Variants in GCLC observed in about 807,000 individuals in gnomAD.
The protein encoded by GCLC is glutamate-cysteine ligase catalytic subunit, also known as glutamate--cysteine ligase catalytic subunit.
In GCLC, 30 loss-of-function variants were observed where a neutral mutation model predicts 81.5. The ratio of observed to expected loss-of-function variants is 0.37; its 90% CI spans 0.28 to 0.50. The LOEUF is 0.50. GCLC is among the 20% of genes least tolerant of loss of function. The pLI is 0.96. For synonymous variants in GCLC, 262 were observed against 273.3 expected (o/e 0.96, Z 0.41); for missense variants, 556 against 777.4 (o/e 0.72, Z 3.39).
At chr6:53,505,990 C>G (rs1764607290) in intron 10 of GCLC, 95 bp from the exon 11 acceptor site, 1 of 772,328 alleles carries the variant, frequency 1.3e-6, no homozygotes, top group Non-Finnish European at 2.4e-6. Flanking sequence ...AGACTGCTCA[C>G]TGTCCATACC....
rs1764435545 is a variant in GCLC, at chr6:53,498,823, G to A, written c.1847C>T (p.Pro616Leu). The A allele has an allele frequency of 1.2e-6, 2 of 1,613,144 alleles. No individual in the cohort carries two copies. The highest frequency in any genetic ancestry group is 1.3e-5 in the African/African-American group (1 of 74,854). Residue 616 changes from proline to leucine, a missense_variant, in exon 16 of 16, where the codon CCA becomes CTA. Physicochemically the swap from Pro to Leu is moderately conservative, Grantham distance 98 (BLOSUM62 -3). Around this residue, in one of 3 missense-constraint regions of GCLC, gnomAD observed 313 missense variants for 437.3 expected, o/e 0.72. Coordinates refer to ENST00000650454, the MANE Select transcript of GCLC (RefSeq NM_001498.4). ...CCTAAATGCTGATCCAAGTAACTCT[G>A]GGCATTCACATAATTCATTTGCAAT... The part of the protein sequence containing the change: ...NQIANELCEC[P>L]ELLGSAFRKV...
chr6:53,537,999 C>T (rs1346967780), intron 1 of GCLC, among the ~76,000 whole-genome samples: 1 of 151,946 alleles, frequency 6.6e-6, no homozygotes, highest in Non-Finnish European at 1.5e-5. Flanking sequence ...AGCAACTTGC[C>T]CAAAGCTATA....
chr6:53,518,766 C>T (rs1330651841), intron 3 of GCLC, among the ~76,000 whole-genome samples: 3 of 152,098 alleles, frequency 2.0e-5, no homozygotes, highest in African/African-American at 7.2e-5. Flanking sequence ...AATGTACAAC[C>T]CTCTTAATGT....
chr6:53,539,681 A>T (rs1180553995), intron 1 of GCLC, among the ~76,000 whole-genome samples: 6 of 152,136 alleles, frequency 3.9e-5, no homozygotes, highest in Non-Finnish European at 8.8e-5. Context: ...TTTTGATATG[A>T]TGCCCATAAA....
chr6:53,538,095 C>A (rs563269720), intron 1 of GCLC, among the ~76,000 whole-genome samples: 2 of 146,624 alleles, frequency 1.4e-5, no homozygotes, highest in South Asian at 2.2e-4. Context: ...TAGGATCATA[C>A]ACTTATTCAT....
At chr6:53,532,555 T>C (rs770186769) in intron 1 of GCLC, among the ~76,000 whole-genome samples, 12 of 152,320 alleles carry the variant, frequency 7.9e-5, no homozygotes, top group Non-Finnish European at 1.6e-4. Flanking sequence ...AAAAGTCTGC[T>C]GGAAAACAGC....
Position 53,507,018 on chromosome 6 carries a change from ATCAATGC to A in GCLC, c.1085_1091del (p.Gly362ValfsTer17), listed in dbSNP as rs777383951. 6.3e-7 allele frequency: 1 copy of A among 1,581,208 alleles called. No homozygotes were observed. Among genetic ancestry groups the A allele is most frequent in the South Asian group, 1.1e-5 (1 of 90,356 alleles). ...GAGCAACATGCTGGGCCAGGAGATG[ATCAATGC>A]CTGCAAAAAGAGATCACATGGGAAC... On this transcript the variant is annotated frameshift_variant and splice_region_variant, in exon 10 of 16. Coordinates refer to ENST00000650454, the MANE Select transcript of GCLC (RefSeq NM_001498.4). LOFTEE classifies it high-confidence loss of function.
intron 4 of GCLC, 130 bp downstream of exon 4, chr6:53,515,979 T>C (rs1581736631): frequency 1.5e-6 from 1 of 682,392 alleles, no homozygotes; most frequent in East Asian, 2.8e-5. Context: ...TGCTATCTTC[T>C]CTGGTTACTT....
chr6:53,507,366 A>T, intron 9 of GCLC, 114 bp downstream of exon 9: 1 of 989,674 alleles, frequency 1.0e-6, no homozygotes, highest in Non-Finnish European at 1.6e-6. Flanking sequence ...GAGAGAAGTT[A>T]AAGACTTTGC....
chr6:53,514,107 A>C, intron 6 of GCLC, 97 bp downstream of exon 6: 1 of 1,190,056 alleles, frequency 8.4e-7, no homozygotes, highest in Non-Finnish European at 1.3e-6. Context: ...AACCTCATTA[A>C]AATGTGATTT....
chr6:53,536,319 AC>A (rs1327472534), intron 1 of GCLC, among the ~76,000 whole-genome samples: 1 of 152,248 alleles, frequency 6.6e-6, no homozygotes, highest in Non-Finnish European at 1.5e-5. Context: ...GGAAGAAATT[AC>A]CAAAGGGGCA....
At chr6:53,500,400 G>C (rs1373000738) in intron 13 of GCLC, 32 bp downstream of exon 13, 1 of 1,602,388 alleles carries the variant, frequency 6.2e-7, no homozygotes, top group East Asian at 2.2e-5. Context: ...TGCAGCATAA[G>C]CTGACATTAG....
rs1764497477 is a variant in GCLC at position 53,500,861 on chromosome 6, G to GC, written c.1396-349_1396-348insG. 3.0e-5 allele frequency: 11 copies of GC among 370,606 alleles called. No individual in the cohort carries two copies. The Admixed American group carries it at 4.5e-4, about 15-fold the overall frequency. The allele number at this position is 370,606 out of a possible 1,614,324, so 23.0% of individuals were successfully genotyped here. ...GGTGGCTGGTTCCCTTTATATAGCAGTGTCTCACCAGGAGTCCCAGGGTAA... is the reference window on the plus strand; with the variant it reads ...GGTGGCTGGTTCCCTTTATATAGCAGCTGTCTCACCAGGAGTCCCAGGGTAA... On this transcript the variant is annotated intron_variant, in intron 12 of 15. Transcript: ENST00000650454.
At chr6:53,540,074 C>T (rs1319765311) in intron 1 of GCLC, among the ~76,000 whole-genome samples, 1 of 152,126 alleles carries the variant, frequency 6.6e-6, no homozygotes, top group Non-Finnish European at 1.5e-5. Context: ...ACAAGCCTAC[C>T]CTTCACACAC....
At chr6:53,533,418 C>G (rs1763205030) in intron 1 of GCLC, among the ~76,000 whole-genome samples, 1 of 152,208 alleles carries the variant, frequency 6.6e-6, no homozygotes. Flanking sequence ...TCTTGTCCTT[C>G]CCCACCTCTT....
chr6:53,523,383 A>T (rs1247494223), intron 1 of GCLC: 1 of 152,242 alleles, frequency 6.6e-6, no homozygotes, highest in African/African-American at 2.4e-5. Flanking sequence ...ATACAGAATT[A>T]TTCAGGCAAG....
chr6:53,498,172 G>A lies in GCLC; in HGVS notation c.*584C>T, dbSNP rs914024320. 3.3e-5 allele frequency: 5 copies of A among 151,330 alleles called. No individual in the cohort carries two copies. Among genetic ancestry groups the A allele is most frequent in the African/African-American group, 1.2e-4 (5 of 40,512 alleles). The allele number at this position is 151,330 out of a possible 1,614,324, so 9.4% of individuals were successfully genotyped here. ...GTTCAATGGGTATTTATTCAGAGGGGAAAGCTTGGGGCAAGGTGACCAAGT... is the reference window on the plus strand; with the variant it reads ...GTTCAATGGGTATTTATTCAGAGGGAAAAGCTTGGGGCAAGGTGACCAAGT... On this transcript the variant is annotated 3_prime_UTR_variant, in exon 16 of 16. Coordinates refer to ENST00000650454, the MANE Select transcript of GCLC (RefSeq NM_001498.4).
intron 3 of GCLC, 76 bp from the exon 4 acceptor site, chr6:53,516,298 A>C (rs1581736844): frequency 3.2e-5 from 30 of 930,662 alleles, no homozygotes; most frequent in African/African-American, 3.2e-5. Context: ...CCATCACTGC[A>C]CCTGCCAAAG....
chr6:53,531,915 T>A (rs922578522), intron 1 of GCLC, among the ~76,000 whole-genome samples: 9 of 152,342 alleles, frequency 5.9e-5, no homozygotes, highest in Admixed American at 5.2e-4. Flanking sequence ...GAAAACCCAA[T>A]GTCCCTTCCA....
Sources: allele counts gnomAD v4.1 joint callset (sites outside exome capture counted in the v4.1 genomes callset), GRCh38; gene constraint gnomAD v4.1.1; regional missense constraint gnomAD v4.1.1; transcripts MANE v1.5; gene names NCBI Gene and HGNC (gene_info 2026-07-23, HGNC 2026-07-21).